Variants in PITPNC1 observed in about 807,000 individuals in gnomAD.
PITPNC1 encodes phosphatidylinositol transfer protein cytoplasmic 1, also known as cytoplasmic phosphatidylinositol transfer protein 1.
In PITPNC1, 18 loss-of-function variants were observed where a neutral mutation model predicts 44.7. The observed-to-expected ratio is 0.40, with a 90% CI of 0.28 to 0.60. PITPNC1 has a LOEUF of 0.60. Ranked by LOEUF, PITPNC1 falls within the 20% of genes least tolerant of loss-of-function variation. PITPNC1 has a pLI of 0.39. For synonymous variants in PITPNC1, 141 were observed against 149.6 expected (o/e 0.94, Z 0.42); for missense variants, 290 against 418.4 (o/e 0.69, Z 2.68).
intron 4 of PITPNC1, among the ~76,000 whole-genome samples, chr17:67,575,281 G>A (rs536368468): frequency 2.6e-5 from 4 of 152,210 alleles, no homozygotes; most frequent in South Asian, 2.1e-4. Context: ...GTCCTCCAGC[G>A]TCTTCATTTG....
chr17:67,596,352 G>A (rs1005164033), intron 5 of PITPNC1, among the ~76,000 whole-genome samples: 2 of 151,850 alleles, frequency 1.3e-5, no homozygotes, highest in Non-Finnish European at 2.9e-5. Context: ...CTTTATTGGG[G>A]GCTTTTGGTA....
intron 1 of PITPNC1, among the ~76,000 whole-genome samples, chr17:67,398,859 A>C (rs2038261613): frequency 6.6e-6 from 1 of 152,044 alleles, no homozygotes; most frequent in South Asian, 2.1e-4. Flanking sequence ...ACACTTCAAA[A>C]CGACAATGTT....
Position 67,684,586 on chromosome 17 carries a change from GT to G in PITPNC1, c.683-7979del, listed in dbSNP as rs1232864502. ...ACATTTTGAAATATATCCTTTCAGT[GT>G]TTTTTTAATGTAGATAATGGTTTTC... On this transcript the variant is annotated intron_variant, in intron 8 of 8. Transcript: ENST00000581322. Among the ~76,000 whole-genome samples, 7 of 151,640 alleles carry G rather than the reference GT, an allele frequency of 4.6e-5. No individual in the cohort carries two copies. The East Asian group carries it at 5.8e-4, about 13-fold the overall frequency.
chr17:67,583,241 GT>G (rs1239222396), intron 5 of PITPNC1, among the ~76,000 whole-genome samples: 1 of 152,096 alleles, frequency 6.6e-6, no homozygotes, highest in Non-Finnish European at 1.5e-5. Flanking sequence ...TGGCTATGCT[GT>G]CCCCACCCCT....
chr17:67,464,495 T>C (rs1345941767), intron 1 of PITPNC1, among the ~76,000 whole-genome samples: 1 of 152,108 alleles, frequency 6.6e-6, no homozygotes, highest in Non-Finnish European at 1.5e-5. Flanking sequence ...CAAGGACCCA[T>C]AGGCTGGCGA....
At chr17:67,435,911 A>G (rs747441852) in intron 1 of PITPNC1, among the ~76,000 whole-genome samples, 16 of 152,200 alleles carry the variant, frequency 1.1e-4, no homozygotes, top group Admixed American at 6.5e-4. Flanking sequence ...GTATAAAAAA[A>G]TAAGTTGGGG....
chr17:67,386,057 A>G lies in PITPNC1; in HGVS notation c.48+7855A>G, dbSNP rs1022623080. 3.3e-5 allele frequency among the ~76,000 whole-genome samples: 5 copies of G among 152,164 alleles called. No individual in the cohort carries two copies. In the South Asian group the frequency reaches 1.0e-3, roughly 32 times the overall value. ...GAAGTTCCTAAGGCTCTTGAAAGTC[A>G]ATTTAGAAACCTTGTGTCTGATTGC... is the stretch of plus-strand genomic sequence containing the variant. On this transcript the variant is annotated intron_variant, in intron 1 of 8. Coordinates refer to ENST00000581322, the MANE Select transcript of PITPNC1 (RefSeq NM_012417.4).
At chr17:67,675,416 T>G in intron 7 of PITPNC1, 63 bp from the exon 8 acceptor site, 3 of 1,126,106 alleles carry the variant, frequency 2.7e-6, no homozygotes, top group Non-Finnish European at 4.1e-6. Context: ...TGTTAACAAC[T>G]TGTCTTCCAG....
At chr17:67,691,112 A>C (rs572410034) in intron 8 of PITPNC1, among the ~76,000 whole-genome samples, 1 of 152,056 alleles carries the variant, frequency 6.6e-6, no homozygotes, top group East Asian at 1.9e-4. Flanking sequence ...CAAATAAATA[A>C]ATAAATAAAT....
chr17:67,416,203 CTTTTTTTTTTTT>C lies in PITPNC1; in HGVS notation c.48+38015_48+38026del, dbSNP rs71687631. ...TCCCTTTCCTTGTTTACATGTATTG[CTTTTTTTTTTTT>C]TTTTTTTTTTTTTAGACAGAGTCTC... On this transcript the variant is annotated intron_variant, in intron 1 of 8. Transcript: ENST00000581322. Among the ~76,000 whole-genome samples the C allele has an allele frequency of 5.9e-5, 4 of 67,614 alleles. No individual in the cohort carries two copies. In the South Asian group the frequency reaches 2.7e-3, roughly 46 times the overall value. The allele number at this position is 67,614 out of a possible 152,430, so 44.4% of individuals were successfully genotyped here.
At chr17:67,473,820 C>T (rs902427417) in intron 1 of PITPNC1, among the ~76,000 whole-genome samples, 1 of 152,188 alleles carries the variant, frequency 6.6e-6, no homozygotes, top group Non-Finnish European at 1.5e-5. Context: ...ATGAACTTAA[C>T]ATTCCTCAGT....
intron 5 of PITPNC1, among the ~76,000 whole-genome samples, chr17:67,607,466 A>G (rs959242159): frequency 2.0e-5 from 3 of 152,232 alleles, no homozygotes; most frequent in African/African-American, 4.8e-5. Context: ...TCAGAGGCTA[A>G]GTGACGTGCT....
chr17:67,380,131 A>G (rs2037935991), intron 1 of PITPNC1, among the ~76,000 whole-genome samples: 1 of 150,624 alleles, frequency 6.6e-6, no homozygotes. Context: ...GTGGGGCGCA[A>G]TGGCGAGATC....
At chr17:67,600,941 T>C (rs1304147483) in intron 5 of PITPNC1, among the ~76,000 whole-genome samples, 1 of 152,078 alleles carries the variant, frequency 6.6e-6, no homozygotes, top group Non-Finnish European at 1.5e-5. Context: ...TAAACACTTA[T>C]TTAGCCCTTA....
At chr17:67,480,973 G>A (rs1366989055) in intron 1 of PITPNC1, among the ~76,000 whole-genome samples, 1 of 152,202 alleles carries the variant, frequency 6.6e-6, no homozygotes, top group Non-Finnish European at 1.5e-5. Context: ...TTGGGAGGCT[G>A]AGGTGGGCGG....
intron 8 of PITPNC1, among the ~76,000 whole-genome samples, chr17:67,690,341 G>T (rs572439978): frequency 2.0e-5 from 3 of 151,570 alleles, no homozygotes. Flanking sequence ...CCAGCTACTC[G>T]GGAGGCTGAG....
intron 1 of PITPNC1, among the ~76,000 whole-genome samples, chr17:67,515,465 G>A (rs1243378292): frequency 6.6e-6 from 1 of 152,154 alleles, no homozygotes; most frequent in East Asian, 1.9e-4. Flanking sequence ...GGTAGAGTGA[G>A]CAAAAGAAGT....
At chr17:67,562,193 G>A (rs905373638) in intron 4 of PITPNC1, among the ~76,000 whole-genome samples, 8 of 152,308 alleles carry the variant, frequency 5.3e-5, no homozygotes, top group Non-Finnish European at 7.4e-5. Flanking sequence ...CTATTACTCA[G>A]CATGTCAGAG....
intron 1 of PITPNC1, among the ~76,000 whole-genome samples, chr17:67,380,265 G>T (rs1400055243): frequency 3.9e-5 from 6 of 151,970 alleles, no homozygotes; most frequent in Non-Finnish European, 8.8e-5. Flanking sequence ...AGTAGAGACG[G>T]GGTTTCACCA....
Sources: gnomAD v4.1 joint callset for allele counts (sites outside exome capture counted in the v4.1 genomes callset) on GRCh38, gnomAD v4.1.1 for gene constraint, MANE v1.5 for transcripts, NCBI Gene and HGNC (gene_info 2026-07-23, HGNC 2026-07-21) for gene names.